The following BATF variants were observed in gnomAD, a reference collection of about 807,000 sequenced individuals.
BATF encodes the protein basic leucine zipper ATF-like transcription factor.
A neutral mutation model predicts 13.7 loss-of-function variants in BATF; 5 were observed. The ratio of observed to expected loss-of-function variants is 0.36; its 90% CI spans 0.19 to 0.77. The LOEUF (loss-of-function observed/expected upper bound fraction) is 0.77. Among genes scored for constraint, BATF ranks in the 30% least tolerant of loss-of-function variants. The pLI, the probability that BATF is intolerant of heterozygous loss-of-function variation, is 0.51. For synonymous variants in BATF, 72 were observed against 67.5 expected, an observed-to-expected ratio of 1.07 and a Z score of -0.33; for missense variants, 124 against 163.0, an observed-to-expected ratio of 0.76 and a Z score of 1.30.
intron 1 of BATF, 106 bp downstream of exon 1, chr14:75,522,851 C>T (rs1185824111): frequency 1.4e-6 from 2 of 1,388,392 alleles, no homozygotes; most frequent in South Asian, 1.2e-5. Context: ...GAGGAAGTGG[C>T]TCGTTGCACG....
In BATF at chr14:75,546,893, C is replaced by T; in HGVS notation, c.*222C>T. On this transcript the variant is annotated 3_prime_UTR_variant, in exon 3 of 3. Transcript: ENST00000286639. ...GGACCCCACCACTGTGGGTTGCAGG[C>T]CCAATGCAGAAGAGTATTAAGAAAG... 1.4e-6 allele frequency: 1 copy of T among 718,872 alleles called. No individual in the cohort carries two copies. The highest frequency in any genetic ancestry group is 2.5e-6 in the Non-Finnish European group (1 of 400,020). The allele number at this position is 718,872 out of a possible 1,614,324, so 44.5% of individuals were successfully genotyped here. A position where few individuals can be genotyped will look rare whatever the true frequency, so the allele number is the denominator to read the frequency against.
chr14:75,536,815 A>G (rs574725035), intron 2 of BATF, among the ~76,000 whole-genome samples: 37 of 152,268 alleles, frequency 2.4e-4, no homozygotes, highest in Admixed American at 2.0e-4. Context: ...TGGGGACCCA[A>G]CTAATTCAAA....
intron 2 of BATF, among the ~76,000 whole-genome samples, chr14:75,532,944 A>G (rs1887759546): frequency 6.6e-6 from 1 of 152,214 alleles, no homozygotes; most frequent in Non-Finnish European, 1.5e-5. Context: ...GAGTTTGGGT[A>G]GTTCATCTTA....
At chr14:75,543,312 T>C (rs1887926252) in intron 2 of BATF, among the ~76,000 whole-genome samples, 1 of 152,190 alleles carries the variant, frequency 6.6e-6, no homozygotes, top group African/African-American at 2.4e-5. Flanking sequence ...GCTTCCTTTG[T>C]ACTGACCTTG....
At chr14:75,534,088 G>C (rs1287192364) in intron 2 of BATF, among the ~76,000 whole-genome samples, 1 of 152,108 alleles carries the variant, frequency 6.6e-6, no homozygotes, top group African/African-American at 2.4e-5. Flanking sequence ...ACTTGACAGG[G>C]GCTGAAGTGT....
chr14:75,546,661 T>C lies in BATF; in HGVS notation c.368T>C (p.Phe123Ser). 1 of 1,600,160 alleles carries C rather than the reference T, an allele frequency of 6.2e-7. No homozygotes were observed. The highest frequency in any genetic ancestry group is 8.5e-7 in the Non-Finnish European group (1 of 1,173,304). ...CAACCTCATGTCAGCTCCCCGCGCT[T>C]CCAGCCCTGAGCTTCCGATGCGGGG... is the stretch of plus-strand genomic sequence containing the variant. ...FHQPHVSSPR[F>S]QP is the part of the protein sequence containing the mutation. The change falls in exon 3 of 3, where the codon TTC becomes TCC. Residue 123 changes from phenylalanine to serine, a missense_variant. Phe to Ser is a radical substitution (Grantham distance 155, BLOSUM62 -2). Transcript: ENST00000286639.
At chr14:75,522,819 C>T in intron 1 of BATF, 74 bp downstream of exon 1, 2 of 1,584,308 alleles carry the variant, frequency 1.3e-6, no homozygotes, top group Non-Finnish European at 1.7e-6. Context: ...GCTTCCTTGT[C>T]CTGCCCAGGG....
At chr14:75,540,711 C>G (rs185488133) in intron 2 of BATF, among the ~76,000 whole-genome samples, 133 of 152,218 alleles carry the variant, frequency 8.7e-4, no homozygotes, top group African/African-American at 3.0e-3. Context: ...TTCTACCACA[C>G]AAGTTTGTTG....
chr14:75,528,704 A>G (rs1286955648), intron 2 of BATF, among the ~76,000 whole-genome samples: 1 of 152,276 alleles, frequency 6.6e-6, no homozygotes, highest in South Asian at 2.1e-4. Flanking sequence ...AGAGAAAGGC[A>G]TAACTTGACC....
At chr14:75,523,114 A>G (rs949380450) in intron 1 of BATF, among the ~76,000 whole-genome samples, 1 of 152,028 alleles carries the variant, frequency 6.6e-6, no homozygotes, top group Admixed American at 6.5e-5. Context: ...GGAGTTTTCA[A>G]GTGGGCCGCT....
At chr14:75,523,890 T>C (rs1038731068) in intron 1 of BATF, among the ~76,000 whole-genome samples, 1 of 152,208 alleles carries the variant, frequency 6.6e-6, no homozygotes, top group African/African-American at 2.4e-5. Context: ...AGAGTGGCTC[T>C]GACTGCCTGG....
chr14:75,538,781 G>T (rs1457446309), intron 2 of BATF, among the ~76,000 whole-genome samples: 1 of 152,168 alleles, frequency 6.6e-6, no homozygotes, highest in Non-Finnish European at 1.5e-5. Flanking sequence ...GGTGCCCGTA[G>T]TCCCAGCTAC....
chr14:75,528,326 A>G (rs1227719844), intron 2 of BATF, among the ~76,000 whole-genome samples: 1 of 152,212 alleles, frequency 6.6e-6, no homozygotes, highest in Non-Finnish European at 1.5e-5. Context: ...ACTATTATCA[A>G]CCTTAAAATA....
intron 2 of BATF, among the ~76,000 whole-genome samples, chr14:75,543,717 A>G (rs74742022): frequency 2.0e-5 from 3 of 151,758 alleles, no homozygotes; most frequent in African/African-American, 4.8e-5. Context: ...CTGGGTCTCA[A>G]TAATGTTGCA....
intron 2 of BATF, among the ~76,000 whole-genome samples, chr14:75,533,850 G>A (rs1435987506): frequency 6.6e-6 from 1 of 152,186 alleles, no homozygotes; most frequent in Non-Finnish European, 1.5e-5. Flanking sequence ...CATTTCCAAT[G>A]AGGAAACTGA....
intron 2 of BATF, among the ~76,000 whole-genome samples, chr14:75,530,140 A>C (rs2859481): frequency 0.63 from 94,717 of 151,190 alleles, 33,095 homozygotes; most frequent in South Asian, 0.77. Context: ...AATAAGTGGC[A>C]AATAAATGTG....
Position 75,546,928 on chromosome 14 carries a change from T to C in BATF, c.*257T>C, listed in dbSNP as rs542748361. Reference sequence around the variant, plus strand: ...AAGAGTATTAAGAAAGATGCTCAAGTCCCATGGCACAGAGCAAGGCGGGCA... The same window carrying C: ...AAGAGTATTAAGAAAGATGCTCAAGCCCCATGGCACAGAGCAAGGCGGGCA... On this transcript the variant is annotated 3_prime_UTR_variant, in exon 3 of 3. Coordinates refer to ENST00000286639, the MANE Select transcript of BATF (RefSeq NM_006399.5). 1.6e-5 allele frequency: 11 copies of C among 705,272 alleles called. No individual in the cohort carries two copies. In the South Asian group the frequency reaches 1.6e-4, roughly 10 times the overall value. The allele number at this position is 705,272 out of a possible 1,614,324, so 43.7% of individuals were successfully genotyped here.
At chr14:75,536,733 TA>T (rs1887825058) in intron 2 of BATF, among the ~76,000 whole-genome samples, 1 of 150,230 alleles carries the variant, frequency 6.7e-6, no homozygotes, top group African/African-American at 2.4e-5. Context: ...TAAAATAAAA[TA>T]AAATAAAATA....
At chr14:75,536,368 G>C (rs1248356310) in intron 2 of BATF, among the ~76,000 whole-genome samples, 1 of 152,154 alleles carries the variant, frequency 6.6e-6, no homozygotes, top group Non-Finnish European at 1.5e-5. Flanking sequence ...AGGTCAGAAA[G>C]GTGCTTGGTA....
Sources: gnomAD v4.1 joint callset for allele counts (sites outside exome capture counted in the v4.1 genomes callset) on GRCh38, gnomAD v4.1.1 for gene constraint, MANE v1.5 for transcripts, NCBI Gene and HGNC (gene_info 2026-07-23, HGNC 2026-07-21) for gene names.